CENPL: variants seen among roughly 807,000 people sequenced by gnomAD.
CENPL encodes interphase centromere complex protein 33.
CENPL carries 20 observed loss-of-function variants against 35.2 expected under a neutral mutation model. The ratio of observed to expected loss-of-function variants is 0.57; its 90% CI spans 0.40 to 0.83. The LOEUF (loss-of-function observed/expected upper bound fraction) is 0.83. CENPL is among the 40% of genes least tolerant of loss of function. The pLI, the probability that CENPL is intolerant of heterozygous loss-of-function variation, is 0.00. For missense variants in CENPL, 363 were observed against 395.8 expected, an observed-to-expected ratio of 0.92 and a Z score of 0.70; for synonymous variants, 140 against 140.6, an observed-to-expected ratio of 1.00 and a Z score of 0.03.
chr1:173,818,968 C>T (rs1651677447), intron 2 of CENPL, among the ~76,000 whole-genome samples: 1 of 152,184 alleles, frequency 6.6e-6, no homozygotes, highest in African/African-American at 2.4e-5. Context: ...GGCATGGTAG[C>T]TCATGACTGT....
intron 2 of CENPL, among the ~76,000 whole-genome samples, chr1:173,819,096 G>C (rs1651689696): frequency 1.3e-5 from 2 of 152,052 alleles, no homozygotes; most frequent in Middle Eastern, 3.4e-3. Flanking sequence ...AACTAGCCAG[G>C]TGTGGTAGTG....
chr1:173,802,383 T>A (rs772779760), intron 5 of CENPL, among the ~76,000 whole-genome samples: 1 of 152,058 alleles, frequency 6.6e-6, no homozygotes, highest in Non-Finnish European at 1.5e-5. Context: ...ATTTTTTGTA[T>A]TTTTAGTGGA....
intron 2 of CENPL, among the ~76,000 whole-genome samples, chr1:173,818,480 C>A (rs375436002): frequency 1.3e-5 from 2 of 152,128 alleles, no homozygotes; most frequent in Admixed American, 6.6e-5. Context: ...CCCATCTCAC[C>A]TCCTTTAAGA....
In CENPL at chr1:173,824,862, G is replaced by C; in HGVS notation, c.-752C>G. On this transcript the variant is annotated 5_prime_UTR_variant, in exon 1 of 6. Coordinates refer to ENST00000682279, the MANE Select transcript of CENPL (RefSeq NM_001387287.1). ...CCTCTCGAGAAGCGTGGAAAGAGGA[G>C]AAGGGCGTATACCTTGTGACCGCCT... The C allele has an allele frequency of 7.8e-6, 2 of 256,040 alleles. No individual in the cohort carries two copies. Among genetic ancestry groups the C allele is most frequent in the South Asian group, 7.9e-5 (2 of 25,196 alleles). The allele number at this position is 256,040 out of a possible 1,614,324, so 15.9% of individuals were successfully genotyped here.
rs558110769 is a variant in CENPL, at chr1:173,811,079, G to A, written c.168+53C>T. 487 of 1,519,110 alleles carry A rather than the reference G, an allele frequency of 3.2e-4. 3 individuals carry two copies. The highest frequency in any genetic ancestry group is 7.9e-4 in the Admixed American group (45 of 56,994). 94.1% of individuals were successfully genotyped at this position (1,519,110 alleles called of 1,614,324 possible). A position where few individuals can be genotyped will look rare whatever the true frequency, so the allele number is the denominator to read the frequency against. On this transcript the variant is annotated intron_variant, in intron 3 of 5. Transcript: ENST00000682279. ...ATAGTTACAAAAATTGAAATGTTTTGTTCACAGATATTCTCAATTATTGAC... is the reference window on the plus strand; with the variant it reads ...ATAGTTACAAAAATTGAAATGTTTTATTCACAGATATTCTCAATTATTGAC...
Position 173,803,844 on chromosome 1 carries a change from G to A in CENPL, c.421-339C>T, listed in dbSNP as rs185919010. Among the ~76,000 whole-genome samples, 14 of 152,148 alleles carry A rather than the reference G, an allele frequency of 9.2e-5. No individual in the cohort carries two copies. In the East Asian group the frequency reaches 2.5e-3, roughly 27 times the overall value. ...GCACCACCATGCCCAGCTAATTTTT[G>A]TATTTTTAGTAGGGATGGGGTTTCA... is the stretch of plus-strand genomic sequence containing the variant. On this transcript the variant is annotated intron_variant, in intron 4 of 5. Transcript: ENST00000682279.
intron 2 of CENPL, among the ~76,000 whole-genome samples, chr1:173,814,975 T>C (rs1008531268): frequency 8.6e-5 from 13 of 152,008 alleles, no homozygotes; most frequent in African/African-American, 3.1e-4. Flanking sequence ...AAGAAGCACA[T>C]AGATGCAATA....
At chr1:173,806,524 C>T (rs1014029368) in intron 4 of CENPL, 6 of 438,044 alleles carry the variant, frequency 1.4e-5, no homozygotes, top group African/African-American at 1.2e-4. Flanking sequence ...ACAGAGGTTG[C>T]AGTCAACCAA....
In CENPL at chr1:173,824,862, GA is replaced by G. The variant is rs1481772443; in HGVS notation, c.-753del. 5 of 255,920 alleles carry G rather than the reference GA, an allele frequency of 2.0e-5. No homozygotes were observed. Among genetic ancestry groups the G allele is most frequent in the African/African-American group, 1.1e-4 (5 of 44,504 alleles). 15.9% of individuals were successfully genotyped at this position (255,920 alleles called of 1,614,324 possible). On this transcript the variant is annotated 5_prime_UTR_variant, in exon 1 of 6. Transcript: ENST00000682279. The stretch of plus-strand genomic sequence containing the variant: ...CCTCTCGAGAAGCGTGGAAAGAGGA[GA>G]AGGGCGTATACCTTGTGACCGCCTC...
Position 173,800,161 on chromosome 1 carries a change from A to C in CENPL, c.*287T>G. 1 of 182,712 alleles carries C rather than the reference A, an allele frequency of 5.5e-6. No individual in the cohort carries two copies. Among genetic ancestry groups the C allele is most frequent in the Non-Finnish European group, 1.1e-5 (1 of 87,154 alleles). The allele number at this position is 182,712 out of a possible 1,614,324, so 11.3% of individuals were successfully genotyped here. On this transcript the variant is annotated 3_prime_UTR_variant, in exon 6 of 6. Coordinates refer to ENST00000682279, the MANE Select transcript of CENPL (RefSeq NM_001387287.1). ...AGGTGTGAGCCACCAAGCCCAGCCTATATATATATATTTAAAGATGACAAG... is the reference window on the plus strand; with the variant it reads ...AGGTGTGAGCCACCAAGCCCAGCCTCTATATATATATTTAAAGATGACAAG...
chr1:173,813,767 C>T (rs1358675610), intron 2 of CENPL, among the ~76,000 whole-genome samples: 1 of 152,178 alleles, frequency 6.6e-6, no homozygotes, highest in Admixed American at 6.6e-5. Flanking sequence ...ACTGCATCAA[C>T]TAACGGGCAA....
chr1:173,806,648 G>C (rs187541745), intron 4 of CENPL: 1 of 225,674 alleles, frequency 4.4e-6, no homozygotes, highest in Non-Finnish European at 9.2e-6. Context: ...TAGTATATAA[G>C]AGCAACAGAA....
At chr1:173,801,990 T>TCC (rs1295040919) in intron 5 of CENPL, among the ~76,000 whole-genome samples, 2 of 148,770 alleles carry the variant, frequency 1.3e-5, no homozygotes, top group Non-Finnish European at 3.0e-5. Flanking sequence ...ACCACTGCAC[T>TCC]CCAGCCTGGG....
chr1:173,802,802 G>C (rs1252555589), intron 5 of CENPL, among the ~76,000 whole-genome samples, 161 bp downstream of exon 5: 1 of 152,114 alleles, frequency 6.6e-6, no homozygotes, highest in African/African-American at 2.4e-5. Flanking sequence ...ATATCTAGAA[G>C]GCTAAAGACT....
At chr1:173,803,939 T>G (rs1649989012) in intron 4 of CENPL, among the ~76,000 whole-genome samples, 1 of 152,178 alleles carries the variant, frequency 6.6e-6, no homozygotes, top group Non-Finnish European at 1.5e-5. Context: ...CCCAAAGTAC[T>G]AGGATTATAG....
intron 3 of CENPL, 49 bp from the exon 4 acceptor site, chr1:173,807,567 A>C (rs1650352124): frequency 7.2e-7 from 1 of 1,388,140 alleles, no homozygotes; most frequent in East Asian, 2.3e-5. Flanking sequence ...AGGAAACAAT[A>C]AGAATTTAAT....
At chr1:173,804,606 T>G (rs1053279649) in intron 4 of CENPL, among the ~76,000 whole-genome samples, 3 of 152,230 alleles carry the variant, frequency 2.0e-5, no homozygotes, top group African/African-American at 7.2e-5. Flanking sequence ...AGTTGACAGC[T>G]TTATATAAAC....
intron 4 of CENPL, among the ~76,000 whole-genome samples, chr1:173,803,814 G>C (rs912028538): frequency 3.9e-5 from 6 of 152,012 alleles, no homozygotes; most frequent in African/African-American, 1.4e-4. Context: ...TGGGATTACA[G>C]GCATGCACCA....
intron 3 of CENPL, among the ~76,000 whole-genome samples, chr1:173,809,804 T>G (rs969122772): frequency 6.7e-6 from 1 of 150,132 alleles, no homozygotes; most frequent in Non-Finnish European, 1.5e-5. Flanking sequence ...TATTACAAAG[T>G]AAAAAAACAA....
Sources: allele counts gnomAD v4.1 joint callset (sites outside exome capture counted in the v4.1 genomes callset), GRCh38; gene constraint gnomAD v4.1.1; transcripts MANE v1.5; gene names NCBI Gene and HGNC (gene_info 2026-07-23, HGNC 2026-07-21).